KLHDC1: variants seen among roughly 807,000 people sequenced by gnomAD.
KLHDC1 encodes kelch domain-containing protein 1.
A neutral mutation model predicts 68.3 loss-of-function variants in KLHDC1; 53 were observed. The ratio of observed to expected loss-of-function variants is 0.78; its 90% CI spans 0.62 to 0.98. The LOEUF (loss-of-function observed/expected upper bound fraction) is 0.98, where lower values mean the gene tolerates loss of function less well. KLHDC1 is among the 50% of genes least tolerant of loss of function. KLHDC1 has a pLI of 0.00. For missense variants in KLHDC1, 470 were observed against 492.3 expected, an observed-to-expected ratio of 0.95 and a Z score of 0.43; for synonymous variants, 148 against 159.0, an observed-to-expected ratio of 0.93 and a Z score of 0.52.
chr14:49,716,664 A>T (rs1219464870), intron 4 of KLHDC1, among the ~76,000 whole-genome samples: 1 of 152,166 alleles, frequency 6.6e-6, no homozygotes, highest in East Asian at 1.9e-4. Context: ...GATTACAGGC[A>T]TGAGATACCA....
chr14:49,716,905 A>C (rs928155867), intron 4 of KLHDC1, among the ~76,000 whole-genome samples: 1 of 152,054 alleles, frequency 6.6e-6, no homozygotes, highest in Admixed American at 6.6e-5. Flanking sequence ...GGTGACCTCT[A>C]ATCTTTCTGT....
intron 5 of KLHDC1, among the ~76,000 whole-genome samples, chr14:49,724,976 A>G (rs1888629460): frequency 6.6e-6 from 1 of 152,072 alleles, no homozygotes; most frequent in South Asian, 2.1e-4. Flanking sequence ...ACCCTGTTTC[A>G]ATTTAAATAA....
At chr14:49,707,170 GA>G (rs1456140815) in intron 1 of KLHDC1, among the ~76,000 whole-genome samples, 2 of 151,886 alleles carry the variant, frequency 1.3e-5, no homozygotes, top group East Asian at 3.9e-4. Context: ...TATGGTGAAA[GA>G]TAGGAATCTA....
chr14:49,702,168 CA>C (rs56298211), intron 1 of KLHDC1, among the ~76,000 whole-genome samples: 16,932 of 70,960 alleles, frequency 0.24, 865 homozygotes, highest in Non-Finnish European at 0.3. Context: ...AATTCTGTCT[CA>C]AAAAAAAAAA....
intron 11 of KLHDC1, among the ~76,000 whole-genome samples, chr14:49,741,480 T>C (rs1394941953): frequency 2.6e-5 from 4 of 152,126 alleles, no homozygotes; most frequent in Non-Finnish European, 4.4e-5. Context: ...TAATTTTTTG[T>C]ATTTTTAGTA....
At chr14:49,711,096 G>A (rs560521046) in intron 4 of KLHDC1, among the ~76,000 whole-genome samples, 4 of 152,164 alleles carry the variant, frequency 2.6e-5, no homozygotes, top group South Asian at 2.1e-4. Flanking sequence ...GGGTTCAAGC[G>A]ATTCTCTGGC....
chr14:49,723,930 T>C lies in KLHDC1; in HGVS notation c.461T>C (p.Phe154Ser), dbSNP rs1280520805. The C allele has an allele frequency of 2.5e-6, 4 of 1,603,350 alleles. No individual in the cohort carries two copies. Among genetic ancestry groups the C allele is most frequent in the African/African-American group, 2.7e-5 (2 of 74,756 alleles). The change falls in exon 5 of 13, where the codon TTT becomes TCT. Residue 154 changes from phenylalanine (F) to serine (S), a missense_variant. By Grantham distance (155) the Phe-to-Ser change is radical. Coordinates refer to ENST00000359332, the MANE Select transcript of KLHDC1 (RefSeq NM_172193.3). ...CRRHSELQDC[F>S]DVHDASWEEQ... Reference sequence around the variant, plus strand: ...AGACACAGTGAACTCCAAGACTGTTTTGATGTTCATGATGCATCTTGGGTA... The same window carrying C: ...AGACACAGTGAACTCCAAGACTGTTCTGATGTTCATGATGCATCTTGGGTA...
intron 5 of KLHDC1, among the ~76,000 whole-genome samples, chr14:49,725,391 C>T (rs1301560044): frequency 6.6e-6 from 1 of 152,304 alleles, no homozygotes; most frequent in African/African-American, 2.4e-5. Flanking sequence ...TCATTCCACC[C>T]TCTGCAATTT....
intron 4 of KLHDC1, among the ~76,000 whole-genome samples, chr14:49,713,514 C>G (rs1307753779): frequency 1.3e-5 from 2 of 151,898 alleles, no homozygotes; most frequent in East Asian, 3.9e-4. Flanking sequence ...CCTTTAGAAT[C>G]AATTGAGTCA....
intron 11 of KLHDC1, among the ~76,000 whole-genome samples, chr14:49,741,072 T>A (rs1889053212): frequency 6.6e-6 from 1 of 152,072 alleles, no homozygotes; most frequent in Non-Finnish European, 1.5e-5. Flanking sequence ...CCAGTCTGGG[T>A]GACAGAGCGA....
chr14:49,735,215 T>C (rs946619752), intron 10 of KLHDC1, among the ~76,000 whole-genome samples: 2 of 151,914 alleles, frequency 1.3e-5, no homozygotes, highest in African/African-American at 2.4e-5. Flanking sequence ...TATACTATTA[T>C]TAAACTACAA....
chr14:49,719,129 A>G (rs988314237), intron 4 of KLHDC1, among the ~76,000 whole-genome samples: 25 of 150,650 alleles, frequency 1.7e-4, no homozygotes, highest in African/African-American at 6.1e-4. Flanking sequence ...TTTGCCTCCA[A>G]CCTTTATCAT....
At chr14:49,725,428 T>G (rs1594669584) in intron 5 of KLHDC1, among the ~76,000 whole-genome samples, 1 of 152,312 alleles carries the variant, frequency 6.6e-6, no homozygotes, top group East Asian at 1.9e-4. Flanking sequence ...TAGAGAAAAT[T>G]GAAAGATTGT....
chr14:49,705,052 G>A (rs10129850), intron 1 of KLHDC1, among the ~76,000 whole-genome samples: 143,142 of 152,164 alleles, frequency 0.94, 67,951 homozygotes, highest in East Asian at 1. Flanking sequence ...AATACTTTAA[G>A]CTATTTTAGA....
Position 49,693,155 on chromosome 14 carries a change from G to A in KLHDC1, c.-40G>A, listed in dbSNP as rs778995214. ...GGAGGCGAGGCCGCCGGGCGGGCAG[G>A]GGTTGTGGCGCGGCAAGCGGCGGGC... On this transcript the variant is annotated 5_prime_UTR_variant, in exon 1 of 13. Coordinates refer to ENST00000359332, the MANE Select transcript of KLHDC1 (RefSeq NM_172193.3). 59 of 1,543,976 alleles carry A rather than the reference G, an allele frequency of 3.8e-5. No individual in the cohort carries two copies. Among genetic ancestry groups the A allele is most frequent in the South Asian group, 3.6e-4 (31 of 86,184 alleles).
intron 12 of KLHDC1, among the ~76,000 whole-genome samples, chr14:49,750,179 C>A (rs1232766316): frequency 6.6e-6 from 1 of 152,184 alleles, no homozygotes; most frequent in African/African-American, 2.4e-5. Context: ...CAGCAGATTC[C>A]TTCGCATGGT....
chr14:49,739,355 A>G (rs911326775), intron 10 of KLHDC1, among the ~76,000 whole-genome samples: 3 of 152,210 alleles, frequency 2.0e-5, no homozygotes, highest in African/African-American at 7.2e-5. Flanking sequence ...TAGGCTAGGA[A>G]AACAGCCATT....
chr14:49,740,220 G>C, intron 11 of KLHDC1, 38 bp downstream of exon 11: 1 of 1,263,390 alleles, frequency 7.9e-7, no homozygotes, highest in Non-Finnish European at 1.1e-6. Context: ...CCTCTGAGTA[G>C]TTGTGTTATT....
In KLHDC1 at chr14:49,752,715, A is replaced by G. The variant is rs908635027; in HGVS notation, c.*943A>G. ...CTTCCCTTGTATTTTCAGCATTACC[A>G]TCTATACAGAAATGGAACACTGTAT... is the stretch of plus-strand genomic sequence containing the variant. On this transcript the variant is annotated 3_prime_UTR_variant, in exon 13 of 13. Coordinates refer to ENST00000359332, the MANE Select transcript of KLHDC1 (RefSeq NM_172193.3). The G allele has an allele frequency of 6.6e-6, 1 of 152,068 alleles. No homozygotes were observed. The highest frequency in any genetic ancestry group is 2.4e-5 in the African/African-American group (1 of 41,434). The allele number at this position is 152,068 out of a possible 1,614,324, so 9.4% of individuals were successfully genotyped here. A position where few individuals can be genotyped will look rare whatever the true frequency, so the allele number is the denominator to read the frequency against.
Sources: allele counts gnomAD v4.1 joint callset (sites outside exome capture counted in the v4.1 genomes callset), GRCh38; gene constraint gnomAD v4.1.1; transcripts MANE v1.5; gene names NCBI Gene and HGNC (gene_info 2026-07-23, HGNC 2026-07-21).